The following AHCTF1 variants were observed in gnomAD, a reference collection of about 807,000 sequenced individuals.
The protein encoded by AHCTF1 is protein ELYS.
A neutral mutation model predicts 248.4 loss-of-function variants in AHCTF1; 24 were observed. The observed-to-expected ratio is 0.10, with a 90% CI of 0.07 to 0.14. The LOEUF (loss-of-function observed/expected upper bound fraction) is 0.14, where lower values mean the gene tolerates loss of function less well. Among genes scored for constraint, AHCTF1 ranks in the 10% least tolerant of loss-of-function variants. The probability of loss-of-function intolerance (pLI) is 1.00; values close to 1 mark genes in which losing one functional copy is unlikely to be tolerated. For synonymous variants in AHCTF1, 786 were observed against 929.8 expected (o/e 0.85, Z 2.81); for missense variants, 2,206 against 2,636.2 (o/e 0.84, Z 3.57).
chr1:246,889,989 T>A lies in AHCTF1; in HGVS notation c.2121A>T (p.Arg707=). The A allele has an allele frequency of 3.7e-6, 6 of 1,612,158 alleles. No homozygotes were observed. The highest frequency in any genetic ancestry group is 5.1e-6 in the Non-Finnish European group (6 of 1,179,334). ...PVIQNYYTSR[R]QKFERLSRGK... ...ACCTTGATAAACGCTCAAACTTCTG[T>A]CGACGACTGGTGTAGTAGTTCTGAA... Residue 707 remains arginine (R), a synonymous_variant, in exon 17 of 36, where the codon CGA becomes CGT. Transcript: ENST00000648844.
chr1:246,889,923 T>G (rs369166034), intron 17 of AHCTF1, 43 bp downstream of exon 17: 5 of 1,456,932 alleles, frequency 3.4e-6, no homozygotes, highest in Non-Finnish European at 4.8e-6. Context: ...CTGAGAAACT[T>G]TGACTTCTTA....
intron 34 of AHCTF1, among the ~76,000 whole-genome samples, 153 bp downstream of exon 34, chr1:246,843,642 T>C (rs1235543099): frequency 6.6e-6 from 1 of 152,200 alleles, no homozygotes; most frequent in African/African-American, 2.4e-5. Flanking sequence ...TTTTGGCTTT[T>C]GGTATGCATG....
At chr1:246,881,227 TATA>T (rs1572409631) in intron 21 of AHCTF1, among the ~76,000 whole-genome samples, 3 of 152,322 alleles carry the variant, frequency 2.0e-5, no homozygotes, top group Non-Finnish European at 1.5e-5. Flanking sequence ...AAGGTTACCA[TATA>T]ATAATTTTAA....
At chr1:246,931,163 C>A in intron 1 of AHCTF1, 1 of 1,550,344 alleles carries the variant, frequency 6.5e-7, no homozygotes, top group East Asian at 2.4e-5. Context: ...GAACACACGC[C>A]AACACAGGAC....
At chr1:246,907,195 G>A (rs1455286285) in intron 5 of AHCTF1, among the ~76,000 whole-genome samples, 2 of 152,116 alleles carry the variant, frequency 1.3e-5, no homozygotes, top group Admixed American at 6.5e-5. Context: ...CATTAAAAAG[G>A]TACAATCAAA....
At chr1:246,931,401 CACCGCT>C (rs1667349535) in intron 1 of AHCTF1, 171 bp downstream of exon 1, 2 of 1,499,962 alleles carry the variant, frequency 1.3e-6, no homozygotes, top group East Asian at 5.0e-5. Context: ...CCGCCACCGC[CACCGCT>C]CGCCCCCTCG....
chr1:246,902,675 C>T lies in AHCTF1; in HGVS notation c.967G>A (p.Gly323Arg). The change falls in exon 8 of 36, where the codon GGG becomes AGG. Residue 323 changes from glycine (G) to arginine (R), a missense_variant and splice_region_variant. Gly to Arg is a moderately radical substitution (Grantham distance 125). This residue lies in a region of AHCTF1 where 650 missense variants were observed against 870.8 expected (regional missense o/e 0.75). Coordinates refer to ENST00000648844, the MANE Select transcript of AHCTF1 (RefSeq NM_001323342.2). ...CLASGQILYEGLEYCEERYTL... is the reference protein window; with the variant it reads ...CLASGQILYERLEYCEERYTL... ...TATCTTTCTTCACAGTATTCTAACC[C>T]CTGTAACATAAAATACACGCAAATA... 1 of 1,587,916 alleles carries T rather than the reference C, an allele frequency of 6.3e-7. No individual in the cohort carries two copies. The highest frequency in any genetic ancestry group is 8.6e-7 in the Non-Finnish European group (1 of 1,166,938).
At chr1:246,844,292 G>T (rs540104199) in intron 33 of AHCTF1, among the ~76,000 whole-genome samples, 1 of 152,334 alleles carries the variant, frequency 6.6e-6, no homozygotes, top group South Asian at 2.1e-4. Flanking sequence ...GAGCTAGTCT[G>T]TGCCATAACT....
Position 246,857,820 on chromosome 1 carries a change from A to G in AHCTF1, c.4133-6T>C, listed in dbSNP as rs747465807. The G allele has an allele frequency of 6.3e-7, 1 of 1,598,450 alleles. No homozygotes were observed. The highest frequency in any genetic ancestry group is 1.1e-5 in the South Asian group (1 of 89,382). ...TTCTGCATCTTCTAAATTGCCTATA[A>G]GTCATACAAATAAGAATATTATTTA... On this transcript the variant is annotated splice_polypyrimidine_tract_variant and splice_region_variant and intron_variant, in intron 29 of 35. Transcript: ENST00000648844.
intron 29 of AHCTF1, among the ~76,000 whole-genome samples, chr1:246,858,983 T>C (rs1038256405): frequency 1.3e-5 from 2 of 151,896 alleles, no homozygotes; most frequent in Non-Finnish European, 2.9e-5. Context: ...ATCCAGCTAC[T>C]TGGGAGGCTG....
At chr1:246,898,699 T>C (rs1664779694) in intron 11 of AHCTF1, among the ~76,000 whole-genome samples, 1 of 151,760 alleles carries the variant, frequency 6.6e-6, no homozygotes, top group Admixed American at 6.6e-5. Context: ...CTTTATCTAA[T>C]GTGAAAGAGA....
intron 21 of AHCTF1, among the ~76,000 whole-genome samples, chr1:246,883,541 C>T (rs1663608385): frequency 6.6e-6 from 1 of 152,182 alleles, no homozygotes; most frequent in African/African-American, 2.4e-5. Flanking sequence ...GCAAAATTAT[C>T]AGTTCAAAAA....
chr1:246,906,594 A>G (rs901501971), intron 5 of AHCTF1, among the ~76,000 whole-genome samples: 1 of 151,894 alleles, frequency 6.6e-6, no homozygotes, highest in African/African-American at 2.4e-5. Context: ...AAAAAAATAG[A>G]AAAAAAAGAG....
In AHCTF1 at chr1:246,914,424, T is replaced by G. The variant is rs148463078; in HGVS notation, c.376-1012A>C. The stretch of plus-strand genomic sequence containing the variant: ...AAAGTTGTTTCAGGCTGTAACTTAC[T>G]ACAGACAAAAGCCTGGCTCTTTCTC... On this transcript the variant is annotated intron_variant, in intron 3 of 35. Transcript: ENST00000648844. Among the ~76,000 whole-genome samples, 248 of 152,352 alleles carry G rather than the reference T, an allele frequency of 1.6e-3. 5 individuals are homozygous for G. In the East Asian group the frequency reaches 0.041, roughly 25 times the overall value.
chr1:246,888,558 T>C (rs1227824378), intron 17 of AHCTF1, 41 bp from the exon 18 acceptor site: 1 of 1,601,898 alleles, frequency 6.2e-7, no homozygotes. Flanking sequence ...AATATCACTG[T>C]TAATTAATAT....
chr1:246,870,255 G>C (rs1046319130), intron 24 of AHCTF1, among the ~76,000 whole-genome samples: 1 of 152,116 alleles, frequency 6.6e-6, no homozygotes, highest in Non-Finnish European at 1.5e-5. Flanking sequence ...AATAGCCTGG[G>C]CGACATAGTG....
rs565953181 is a variant in AHCTF1, at chr1:246,913,877, C to G, written c.376-465G>C. 1.2e-4 allele frequency among the ~76,000 whole-genome samples: 19 copies of G among 152,274 alleles called. No homozygotes were observed. In the South Asian group the frequency reaches 3.9e-3, roughly 32 times the overall value. ...CTCTAGGATTCTATGGCCTCTTCTCCTAAGAGTAAAAACTAATCATTCCAG... is the reference window on the plus strand; with the variant it reads ...CTCTAGGATTCTATGGCCTCTTCTCGTAAGAGTAAAAACTAATCATTCCAG... On this transcript the variant is annotated intron_variant, in intron 3 of 35. Transcript: ENST00000648844.
intron 3 of AHCTF1, among the ~76,000 whole-genome samples, chr1:246,915,764 A>T (rs955310351): frequency 3.3e-5 from 5 of 152,248 alleles, no homozygotes; most frequent in Admixed American, 2.0e-4. Flanking sequence ...AAAACATTTT[A>T]AAAATTGAAT....
intron 29 of AHCTF1, among the ~76,000 whole-genome samples, chr1:246,858,276 A>G (rs1200223252): frequency 6.6e-6 from 1 of 152,024 alleles, no homozygotes; most frequent in Non-Finnish European, 1.5e-5. Flanking sequence ...TCTTCTTCTA[A>G]TTCTCTGAAC....
Sources: gnomAD v4.1 joint callset for allele counts (sites outside exome capture counted in the v4.1 genomes callset) on GRCh38, gnomAD v4.1.1 for gene constraint, gnomAD v4.1.1 regional missense constraint, MANE v1.5 for transcripts, NCBI Gene and HGNC (gene_info 2026-07-23, HGNC 2026-07-21) for gene names.